The following AUTS2 variants were observed in gnomAD, a reference collection of about 807,000 sequenced individuals.
The protein encoded by AUTS2 is activator of transcription and developmental regulator AUTS2.
A neutral mutation model predicts 112.4 loss-of-function variants in AUTS2; 17 were observed. That is an observed-to-expected ratio of 0.15 (90% confidence interval 0.10 to 0.23). The LOEUF is 0.23. AUTS2 is among the 10% of genes least tolerant of loss of function. AUTS2 has a pLI of 1.00. For synonymous variants in AUTS2, 751 were observed against 702.7 expected (o/e 1.07, Z -1.09); for missense variants, 1,510 against 1,701.6 (o/e 0.89, Z 1.98).
At chr7:70,558,861 T>C (rs1215112425) in intron 5 of AUTS2, among the ~76,000 whole-genome samples, 1 of 152,246 alleles carries the variant, frequency 6.6e-6, no homozygotes, top group East Asian at 1.9e-4. Flanking sequence ...GGGACAAGGG[T>C]CTTTTGCTTT....
At chr7:69,933,347 G>A (rs1204167732) in intron 2 of AUTS2, among the ~76,000 whole-genome samples, 1 of 152,176 alleles carries the variant, frequency 6.6e-6, no homozygotes, top group Non-Finnish European at 1.5e-5. Flanking sequence ...TAGATAATTA[G>A]AATGTTTATG....
intron 13 of AUTS2, among the ~76,000 whole-genome samples, chr7:70,776,023 C>T (rs1790665541): frequency 6.6e-6 from 1 of 152,100 alleles, no homozygotes; most frequent in Non-Finnish European, 1.5e-5. Context: ...GGCACATAAT[C>T]AGATAATTTG....
At chr7:69,939,733 C>T (rs1018119355) in intron 2 of AUTS2, among the ~76,000 whole-genome samples, 1 of 152,200 alleles carries the variant, frequency 6.6e-6, no homozygotes, top group African/African-American at 2.4e-5. Flanking sequence ...ACTGTGTCTT[C>T]TCTGGGTGCA....
intron 5 of AUTS2, among the ~76,000 whole-genome samples, chr7:70,674,631 G>A (rs773031580): frequency 2.6e-5 from 4 of 152,160 alleles, no homozygotes; most frequent in African/African-American, 4.8e-5. Flanking sequence ...CTCCTCTGCC[G>A]CTGCACCACT....
intron 4 of AUTS2, among the ~76,000 whole-genome samples, chr7:70,314,639 T>G (rs768276027): frequency 6.6e-6 from 1 of 152,256 alleles, no homozygotes; most frequent in African/African-American, 2.4e-5. Flanking sequence ...GTCCAGACTT[T>G]CGTATCACAC....
chr7:70,241,596 A>AC (rs1406662854), intron 4 of AUTS2, among the ~76,000 whole-genome samples: 1 of 152,076 alleles, frequency 6.6e-6, no homozygotes, highest in Non-Finnish European at 1.5e-5. Context: ...CCCCTGTGGG[A>AC]CCCCTGTAAG....
At chr7:70,065,396 A>T (rs958559125) in intron 2 of AUTS2, among the ~76,000 whole-genome samples, 5 of 152,186 alleles carry the variant, frequency 3.3e-5, no homozygotes, top group Admixed American at 2.6e-4. Context: ...AAAATTGTTT[A>T]AAAAATTATT....
rs555419546 is a variant in AUTS2 at position 69,777,776 on chromosome 7, ACT to A, written c.310-121507_310-121506del. Among the ~76,000 whole-genome samples the A allele has an allele frequency of 3.9e-5, 6 of 151,994 alleles. No homozygotes were observed. The South Asian group carries it at 1.3e-3, about 32-fold the overall frequency. Reference sequence around the variant, plus strand: ...CTGCTTCCAAGCCCCTCTTTGTAACACTCTATGAAATGAAAAGCATCTTTGGA... The same window carrying A: ...CTGCTTCCAAGCCCCTCTTTGTAACACTATGAAATGAAAAGCATCTTTGGA... On this transcript the variant is annotated intron_variant, in intron 1 of 18. Coordinates refer to ENST00000342771, the MANE Select transcript of AUTS2 (RefSeq NM_015570.4).
chr7:70,777,124 A>C lies in AUTS2; in HGVS notation c.1954A>C (p.Met652Leu). 1.2e-6 allele frequency: 2 copies of C among 1,614,130 alleles called. No individual in the cohort carries two copies. Among genetic ancestry groups the C allele is most frequent in the Non-Finnish European group, 1.7e-6 (2 of 1,180,014 alleles). Reference sequence around the variant, plus strand: ...CCAGAAACCAGGGAAGTGGTGTGCTATGCATGTTCACATCGCCTGGCAGAT... The same window carrying C: ...CCAGAAACCAGGGAAGTGGTGTGCTCTGCATGTTCACATCGCCTGGCAGAT... ...MLRKPGKWCAMHVHIAWQIYH... is the reference protein window; with the variant it reads ...MLRKPGKWCALHVHIAWQIYH... Residue 652 changes from methionine to leucine, a missense_variant, in exon 14 of 19, where the codon ATG (methionine) becomes CTG (leucine). By Grantham distance (15) the Met-to-Leu change is conservative. Coordinates refer to ENST00000342771, the MANE Select transcript of AUTS2 (RefSeq NM_015570.4).
intron 4 of AUTS2, among the ~76,000 whole-genome samples, chr7:70,142,160 G>A (rs1340996666): frequency 1.3e-5 from 2 of 152,144 alleles, no homozygotes; most frequent in Non-Finnish European, 2.9e-5. Context: ...GGAGATAAGC[G>A]GAAAACTTAG....
intron 1 of AUTS2, among the ~76,000 whole-genome samples, chr7:69,865,812 A>T (rs560801557): frequency 7.1e-4 from 108 of 152,104 alleles, no homozygotes; most frequent in African/African-American, 2.6e-3. Context: ...TCCTGTCCAA[A>T]TTTTTCTCCT....
At chr7:69,756,318 G>A (rs1787943952) in intron 1 of AUTS2, among the ~76,000 whole-genome samples, 1 of 152,208 alleles carries the variant, frequency 6.6e-6, no homozygotes, top group South Asian at 2.1e-4. Context: ...CTAAGAAGGA[G>A]GAAACTAGTA....
intron 2 of AUTS2, among the ~76,000 whole-genome samples, chr7:69,990,258 A>T (rs145417713): frequency 6.6e-6 from 1 of 152,316 alleles, no homozygotes; most frequent in African/African-American, 2.4e-5. Context: ...CATCTACTGA[A>T]ATATCAGCCA....
At chr7:69,940,145 C>T (rs994415037) in intron 2 of AUTS2, among the ~76,000 whole-genome samples, 2 of 152,188 alleles carry the variant, frequency 1.3e-5, no homozygotes, top group Admixed American at 6.5e-5. Context: ...CAAGGTTTCA[C>T]AACTTACAAA....
chr7:70,762,567 G>T (rs1246440893), intron 6 of AUTS2, among the ~76,000 whole-genome samples: 1 of 152,186 alleles, frequency 6.6e-6, no homozygotes, highest in East Asian at 1.9e-4. Context: ...TATGCCTGGC[G>T]CTAGGCTACT....
chr7:70,367,338 C>T (rs1482484354), intron 4 of AUTS2, among the ~76,000 whole-genome samples: 3 of 151,836 alleles, frequency 2.0e-5, no homozygotes, highest in Non-Finnish European at 4.4e-5. Context: ...GAGTGGATCA[C>T]GAGGTCAGGA....
chr7:69,618,534 A>G (rs1793495409), intron 1 of AUTS2, among the ~76,000 whole-genome samples: 1 of 152,138 alleles, frequency 6.6e-6, no homozygotes, highest in Non-Finnish European at 1.5e-5. Context: ...TGTCTTTTTT[A>G]GCCCCAGTGA....
In AUTS2 at chr7:70,771,640, C is replaced by T. The variant is rs773419852; in HGVS notation, c.1826C>T (p.Pro609Leu). 1.9e-6 allele frequency: 3 copies of T among 1,613,322 alleles called. No individual in the cohort carries two copies. Among genetic ancestry groups the T allele is most frequent in the East Asian group, 2.2e-5 (1 of 44,854 alleles). Residue 609 changes from proline (P) to leucine (L), a missense_variant, in exon 11 of 19, where the codon CCG becomes CTG. By Grantham distance (98) the Pro-to-Leu change is moderately conservative. Coordinates refer to ENST00000342771, the MANE Select transcript of AUTS2 (RefSeq NM_015570.4). ...GGTTCACTACAAGGAGCATTTCAGC[C>T]GAAGGTAAGAAACCTCACAGTGAAA... The part of the protein sequence containing the change: ...PFGSLQGAFQ[P>L]KTSNPIDVAA...
intron 4 of AUTS2, among the ~76,000 whole-genome samples, chr7:70,233,550 A>G (rs1461518695): frequency 2.0e-5 from 3 of 152,204 alleles, no homozygotes; most frequent in Non-Finnish European, 4.4e-5. Flanking sequence ...GCGTTTAGAA[A>G]TGGAATTGCG....
Sources: allele counts gnomAD v4.1 joint callset (sites outside exome capture counted in the v4.1 genomes callset), GRCh38; gene constraint gnomAD v4.1.1; transcripts MANE v1.5; gene names NCBI Gene and HGNC (gene_info 2026-07-23, HGNC 2026-07-21).